The following SHROOM4 variants were observed in gnomAD, a reference collection of about 807,000 sequenced individuals.
SHROOM4 encodes the protein protein Shroom4.
Under a neutral mutation model 80.3 loss-of-function variants are expected in SHROOM4, and 17 were observed. That is an observed-to-expected ratio of 0.21 (90% CI 0.14 to 0.32). The LOEUF (loss-of-function observed/expected upper bound fraction) is 0.32. SHROOM4 is among the 10% of genes least tolerant of loss of function. The pLI is 1.00. For synonymous variants in SHROOM4, 400 were observed against 437.5 expected (o/e 0.91, Z 1.07); for missense variants, 993 against 1,140.3 (o/e 0.87, Z 1.86).
At chrX:50,599,795 T>C (rs1165490420) in intron 7 of SHROOM4, among the ~76,000 whole-genome samples, 9 of 111,962 alleles carry the variant, frequency 8.0e-5, no homozygotes, top group African/African-American at 2.6e-4. Context: ...TCTGTAAGTC[T>C]TCTCTCAGTG....
chrX:50,663,400 C>G (rs1221051357), intron 2 of SHROOM4, among the ~76,000 whole-genome samples: 1 of 111,208 alleles, frequency 9.0e-6, no homozygotes, highest in Non-Finnish European at 1.9e-5. Context: ...ATTAACTTGT[C>G]CTGTCTATTC....
At chrX:50,692,162 G>A (rs782556120) in intron 2 of SHROOM4, among the ~76,000 whole-genome samples, 4 of 111,990 alleles carry the variant, frequency 3.6e-5, no homozygotes, top group East Asian at 2.8e-4. Flanking sequence ...TCACCCTGGC[G>A]AGATGAGTGG....
intron 2 of SHROOM4, among the ~76,000 whole-genome samples, chrX:50,654,520 A>G (rs1932233048): frequency 9.0e-6 from 1 of 111,059 alleles, no homozygotes; most frequent in African/African-American, 3.3e-5. Context: ...CATATCCATA[A>G]CCTCAAATAC....
At chrX:50,687,352 T>C (rs953257271) in intron 2 of SHROOM4, among the ~76,000 whole-genome samples, 1 of 109,810 alleles carries the variant, frequency 9.1e-6, no homozygotes, top group Non-Finnish European at 1.9e-5. Flanking sequence ...TCCAATAAAA[T>C]GTTAATTGGA....
chrX:50,681,770 T>C (rs911090500), intron 2 of SHROOM4, among the ~76,000 whole-genome samples: 1 of 112,559 alleles, frequency 8.9e-6, no homozygotes, highest in Non-Finnish European at 1.9e-5. Flanking sequence ...GCTATTTTGT[T>C]CACTGATATA....
downstream of SHROOM4, among the ~76,000 whole-genome samples, chrX:50,586,071 A>G (rs782027405): frequency 6.3e-5 from 7 of 111,825 alleles, no homozygotes; most frequent in South Asian, 2.3e-3. Flanking sequence ...TAAAGCTTCC[A>G]TATTTGTAAA....
chrX:50,670,009 G>A (rs1557260671), intron 2 of SHROOM4, among the ~76,000 whole-genome samples: 1 of 111,905 alleles, frequency 8.9e-6, no homozygotes, highest in African/African-American at 3.2e-5. Context: ...ACATCAAAAC[G>A]GTGAATCCCT....
At chrX:50,808,159 T>G (rs1165480577) in intron 1 of SHROOM4, among the ~76,000 whole-genome samples, 2 of 111,693 alleles carry the variant, frequency 1.8e-5, no homozygotes, top group Non-Finnish European at 3.8e-5. Flanking sequence ...ATATTTGCCT[T>G]CAGATATCCC....
intron 1 of SHROOM4, among the ~76,000 whole-genome samples, chrX:50,795,586 G>T (rs989278355): frequency 9.0e-6 from 1 of 111,589 alleles, no homozygotes; most frequent in Non-Finnish European, 1.9e-5. Context: ...GGGCTTCAAG[G>T]AACAGGTAAG....
At position 50,633,913 on chromosome X, in the gene SHROOM4, T is replaced by G; in HGVS notation, c.2160A>C (p.Gly720=). 8.3e-7 allele frequency: 1 copy of G among 1,211,806 alleles called. No homozygotes were observed. The highest frequency in any genetic ancestry group is 1.1e-6 in the Non-Finnish European group (1 of 895,529). The part of the protein sequence containing the change: ...SDPEKAHAHC[G]VRGGHWRWSP... Reference sequence around the variant, plus strand: ...ACCATCTCCAATGACCTCCACGGACTCCACAGTGAGCATGTGCTTTCTCAG... The same window carrying G: ...ACCATCTCCAATGACCTCCACGGACGCCACAGTGAGCATGTGCTTTCTCAG... Residue 720 remains glycine, a synonymous_variant, in exon 4 of 9, where the codon GGA becomes GGC. Coordinates refer to ENST00000376020, the MANE Select transcript of SHROOM4 (RefSeq NM_020717.5).
intron 1 of SHROOM4, among the ~76,000 whole-genome samples, chrX:50,788,888 C>T (rs1206547192): frequency 9.0e-6 from 1 of 110,933 alleles, no homozygotes; most frequent in Admixed American, 9.6e-5. Flanking sequence ...TTATATCAGA[C>T]AAAATAGGCC....
chrX:50,687,267 C>CCTTTTTTTTTTTT (rs1933097840), intron 2 of SHROOM4: 1 of 88,854 alleles, frequency 1.1e-5, no homozygotes, highest in African/African-American at 4.5e-5. Context: ...ATTTTGGTGT[C>CCTTTTTTTTTTTT]TTTTTTTTTT....
At chrX:50,722,386 G>A (rs1934135755) in intron 1 of SHROOM4, among the ~76,000 whole-genome samples, 1 of 110,066 alleles carries the variant, frequency 9.1e-6, no homozygotes, top group African/African-American at 3.3e-5. Context: ...TGACTCTCAG[G>A]CCAGCTTCAG....
intron 2 of SHROOM4, among the ~76,000 whole-genome samples, chrX:50,664,705 T>C (rs1932632863): frequency 8.9e-6 from 1 of 112,225 alleles, no homozygotes; most frequent in Non-Finnish European, 1.9e-5. Context: ...ATTTACTATT[T>C]AGAAACAACT....
intron 1 of SHROOM4, among the ~76,000 whole-genome samples, chrX:50,700,075 C>T (rs1557263418): frequency 1.8e-5 from 2 of 111,651 alleles, no homozygotes; most frequent in East Asian, 2.8e-4. Flanking sequence ...AAAAAATGGG[C>T]ATCAACTGAA....
At chrX:50,600,647 C>G (rs1392857824) in intron 7 of SHROOM4, among the ~76,000 whole-genome samples, 1 of 111,665 alleles carries the variant, frequency 9.0e-6, no homozygotes, top group Non-Finnish European at 1.9e-5. Context: ...ATGTATTCCC[C>G]TCTAGTAATT....
intron 1 of SHROOM4, among the ~76,000 whole-genome samples, chrX:50,799,946 C>G (rs1936086779): frequency 8.9e-6 from 1 of 112,319 alleles, no homozygotes; most frequent in Non-Finnish European, 1.9e-5. Context: ...CACAGGAACT[C>G]CAGCAGCAGC....
intron 2 of SHROOM4, among the ~76,000 whole-genome samples, chrX:50,640,797 T>C (rs1557257041): frequency 1.8e-5 from 2 of 112,372 alleles, no homozygotes; most frequent in African/African-American, 6.5e-5. Flanking sequence ...TTGCTGTTGA[T>C]ATTCCTGTTG....
At chrX:50,796,476 A>G (rs782364869) in intron 1 of SHROOM4, among the ~76,000 whole-genome samples, 6 of 111,559 alleles carry the variant, frequency 5.4e-5, no homozygotes, top group African/African-American at 2.0e-4. Context: ...TTTCTGGTCT[A>G]GAATGTTAGA....
Sources: allele counts gnomAD v4.1 joint callset (sites outside exome capture counted in the v4.1 genomes callset), GRCh38; gene constraint gnomAD v4.1.1; transcripts MANE v1.5; gene names NCBI Gene and HGNC (gene_info 2026-07-23, HGNC 2026-07-21).